SP1: variants seen among roughly 807,000 people sequenced by gnomAD.
The protein encoded by SP1 is Sp1 transcription factor.
Under a neutral mutation model 66.3 loss-of-function variants are expected in SP1, and 6 were observed. That is an observed-to-expected ratio of 0.09 (90% CI 0.05 to 0.18). The LOEUF (loss-of-function observed/expected upper bound fraction) is 0.18, where lower values mean the gene tolerates loss of function less well. Ranked by LOEUF, SP1 falls within the 10% of genes least tolerant of loss-of-function variation. SP1 has a pLI of 1.00. For missense variants in SP1, 848 were observed against 964.5 expected (o/e 0.88, Z 1.60); for synonymous variants, 417 against 360.8 (o/e 1.16, Z -1.77).
chr12:53,396,995 TC>T (rs1372041206), intron 3 of SP1, among the ~76,000 whole-genome samples: 2 of 152,072 alleles, frequency 1.3e-5, no homozygotes, highest in Admixed American at 6.6e-5. Context: ...TTTTCCTTTT[TC>T]ATTTACCTTT....
At position 53,383,213 on chromosome 12, in the gene SP1, G is replaced by A; in HGVS notation, c.1266G>A (p.Gly422=). Residue 422 remains glycine, a synonymous_variant, in exon 3 of 6, where the codon GGG becomes GGA. Transcript: ENST00000327443. ...CCCTCCAAGCAGCACCATTGTCAGG[G>A]CAGACCTTTACAACTCAAGCCATCT... ...LQALQAAPLS[G]QTFTTQAISQ... The A allele has an allele frequency of 6.2e-7, 1 of 1,614,194 alleles. No individual in the cohort carries two copies. The highest frequency in any genetic ancestry group is 2.2e-5 in the East Asian group (1 of 44,892).
chr12:53,393,081 C>T (rs1233443270), intron 3 of SP1, among the ~76,000 whole-genome samples: 1 of 151,984 alleles, frequency 6.6e-6, no homozygotes, highest in Non-Finnish European at 1.5e-5. Context: ...CCTCAACCTC[C>T]CAAGTGCTGG....
At chr12:53,380,820 A>T (rs1314723122) in intron 1 of SP1, 4 of 181,330 alleles carry the variant, frequency 2.2e-5, no homozygotes, top group East Asian at 2.1e-4. Context: ...CTCCGCCCCG[A>T]AACCTTCTGA....
At position 53,383,172 on chromosome 12, in the gene SP1, G is replaced by A; in HGVS notation, c.1225G>A (p.Gly409Arg). ...ILIQPQLVQG[G>R]QALQALQAAP... ...TATCCAGCCTCAGCTAGTTCAAGGG[G>A]GACAGGCCCTCCAGGCCCTCCAAGC... Residue 409 changes from glycine to arginine, a missense_variant, in exon 3 of 6, where the codon GGA becomes AGA. Coordinates refer to ENST00000327443, the MANE Select transcript of SP1 (RefSeq NM_138473.3). The A allele has an allele frequency of 6.2e-7, 1 of 1,614,098 alleles. No homozygotes were observed.
intron 3 of SP1, among the ~76,000 whole-genome samples, chr12:53,397,353 T>C (rs1938512167): frequency 6.6e-6 from 1 of 151,836 alleles, no homozygotes; most frequent in Admixed American, 6.6e-5. Flanking sequence ...CTTTTCTTAC[T>C]CTCAGCTAAT....
chr12:53,409,566 G>T lies in SP1; in HGVS notation c.2044+5G>T. ...GGCACAAACGTACACACACAGGTGA[G>T]CAAGAGCCTATGGGAGAGAAAAATA... On this transcript the variant is annotated splice_donor_5th_base_variant and intron_variant, in intron 5 of 5. Coordinates refer to ENST00000327443, the MANE Select transcript of SP1 (RefSeq NM_138473.3). The T allele has an allele frequency of 6.2e-7, 1 of 1,612,358 alleles. No individual in the cohort carries two copies. The highest frequency in any genetic ancestry group is 8.5e-7 in the Non-Finnish European group (1 of 1,178,392).
chr12:53,407,926 G>C (rs1938781564), intron 4 of SP1, among the ~76,000 whole-genome samples: 1 of 147,854 alleles, frequency 6.8e-6, no homozygotes, highest in Non-Finnish European at 1.5e-5. Flanking sequence ...ATGAGCCATG[G>C]GGGCGCCCGG....
intron 3 of SP1, among the ~76,000 whole-genome samples, chr12:53,385,934 T>A (rs1465849120): frequency 6.6e-6 from 1 of 152,136 alleles, no homozygotes; most frequent in African/African-American, 2.4e-5. Flanking sequence ...AAAAATTGAT[T>A]ATGAATTTTA....
chr12:53,383,713 G>A (rs550678473), intron 3 of SP1, 91 bp downstream of exon 3: 1 of 1,017,908 alleles, frequency 9.8e-7, no homozygotes, highest in South Asian at 1.6e-5. Context: ...AGCCTTTTGA[G>A]ATAACACTTT....
At chr12:53,396,627 T>G (rs1938496853) in intron 3 of SP1, among the ~76,000 whole-genome samples, 1 of 152,208 alleles carries the variant, frequency 6.6e-6, no homozygotes, top group Admixed American at 6.6e-5. Context: ...AGTGTGCTTC[T>G]GTGCTCCGGT....
intron 3 of SP1, among the ~76,000 whole-genome samples, chr12:53,392,335 C>T: frequency 6.8e-6 from 1 of 147,618 alleles, no homozygotes; most frequent in East Asian, 2.0e-4. Context: ...AGCCCACAGC[C>T]ACACCTGGCT....
At chr12:53,380,607 CCGGGGGCTGGAGCCG>C (rs1432482635) in intron 1 of SP1, 1 of 1,015,728 alleles carries the variant, frequency 9.8e-7, no homozygotes, top group Non-Finnish European at 1.2e-6. Context: ...GCTCCTCCCG[CCGGGGGCTGGAGCCG>C]CGGGGGCGGC....
intron 3 of SP1, among the ~76,000 whole-genome samples, chr12:53,401,667 T>C (rs1484557686): frequency 6.6e-6 from 1 of 152,152 alleles, no homozygotes; most frequent in African/African-American, 2.4e-5. Context: ...TCTTATTTCA[T>C]GATTACTTAC....
intron 4 of SP1, among the ~76,000 whole-genome samples, chr12:53,408,161 G>C (rs1938790122): frequency 7.0e-6 from 1 of 142,830 alleles, no homozygotes; most frequent in African/African-American, 2.5e-5. Context: ...TAGGAGAATT[G>C]CTCGAACTTG....
In SP1 at chr12:53,411,027, A is replaced by C; in HGVS notation, c.2145A>C (p.Pro715=). ...CCCACCAGAATAAGAAGGGAGGCCC[A>C]GGTGTAGCTCTGAGTGTGGGCACTT... ...IKTHQNKKGG[P]GVALSVGTLP... Residue 715 remains proline, a synonymous_variant, in exon 6 of 6, where the codon CCA becomes CCC. Transcript: ENST00000327443. 6.2e-7 allele frequency: 1 copy of C among 1,614,200 alleles called. No individual in the cohort carries two copies. Among genetic ancestry groups the C allele is most frequent in the Non-Finnish European group, 8.5e-7 (1 of 1,180,004 alleles).
chr12:53,389,461 G>A (rs934593490), intron 3 of SP1, among the ~76,000 whole-genome samples: 2 of 151,626 alleles, frequency 1.3e-5, no homozygotes, highest in African/African-American at 2.4e-5. Context: ...TGCCTGCCTC[G>A]GCCTCCCAAA....
chr12:53,393,969 C>T (rs1471146602), intron 3 of SP1, among the ~76,000 whole-genome samples: 1 of 151,012 alleles, frequency 6.6e-6, no homozygotes, highest in East Asian at 2.0e-4. Flanking sequence ...AACCCAAGCA[C>T]TTTGGGAGGC....
At chr12:53,402,013 G>T (rs1938619101) in intron 3 of SP1, among the ~76,000 whole-genome samples, 1 of 152,274 alleles carries the variant, frequency 6.6e-6, no homozygotes, top group Non-Finnish European at 1.5e-5. Context: ...CAGTTTTACT[G>T]ATGGAGAAGC....
intron 5 of SP1, among the ~76,000 whole-genome samples, chr12:53,410,625 C>T (rs1288371706): frequency 3.3e-5 from 5 of 152,038 alleles, no homozygotes; most frequent in Non-Finnish European, 4.4e-5. Context: ...CTGCCTCAGC[C>T]TCTCCGAGTA....
Sources: gnomAD v4.1 joint callset for allele counts (sites outside exome capture counted in the v4.1 genomes callset) on GRCh38, gnomAD v4.1.1 for gene constraint, MANE v1.5 for transcripts, NCBI Gene and HGNC (gene_info 2026-07-23, HGNC 2026-07-21) for gene names.